The following CDH13 variants were observed in gnomAD, a reference collection of about 807,000 sequenced individuals.
The protein encoded by CDH13 is cadherin 13, also known as cadherin-13.
Under a neutral mutation model 63.8 loss-of-function variants are expected in CDH13, and 24 were observed. The observed-to-expected ratio is 0.38, with a 90% confidence interval of 0.27 to 0.53. The LOEUF (loss-of-function observed/expected upper bound fraction) is 0.53. Among genes scored for constraint, CDH13 ranks in the 20% least tolerant of loss-of-function variants. CDH13 has a pLI of 0.85. For synonymous variants in CDH13, 503 were observed against 355.3 expected (o/e 1.42, Z -4.67); for missense variants, 1,049 against 903.1 (o/e 1.16, Z -2.07).
At position 82,854,355 on chromosome 16, in the gene CDH13, C is replaced by T. The variant is rs901228455; in HGVS notation, c.46-4007C>T. Reference sequence around the variant, plus strand: ...GGCGGGGCTTGCAGTGAGCCAAGATCGTGCCACTGCACTCCAACCTGGGTG... The same window carrying T: ...GGCGGGGCTTGCAGTGAGCCAAGATTGTGCCACTGCACTCCAACCTGGGTG... On this transcript the variant is annotated intron_variant, in intron 1 of 13. Transcript: ENST00000567109. 2.1e-5 allele frequency among the ~76,000 whole-genome samples: 3 copies of T among 140,148 alleles called. No individual in the cohort carries two copies. The South Asian group carries it at 7.1e-4, about 33-fold the overall frequency. The allele number at this position is 140,148 out of a possible 152,430, so 91.9% of individuals were successfully genotyped here.
At chr16:83,044,895 A>T (rs879423127) in intron 3 of CDH13, among the ~76,000 whole-genome samples, 1 of 152,248 alleles carries the variant, frequency 6.6e-6, no homozygotes, top group South Asian at 2.1e-4. Context: ...ATTTCCAGCT[A>T]GTATATAGGA....
At chr16:83,655,495 C>A (rs1912790282) in intron 8 of CDH13, among the ~76,000 whole-genome samples, 1 of 152,144 alleles carries the variant, frequency 6.6e-6, no homozygotes, top group Admixed American at 6.5e-5. Context: ...AAGAGTCTGT[C>A]AGAGAGAACG....
intron 4 of CDH13, among the ~76,000 whole-genome samples, chr16:83,169,072 A>G: frequency 6.6e-6 from 1 of 152,150 alleles, no homozygotes; most frequent in South Asian, 2.1e-4. Context: ...TTGACAATTA[A>G]AACATAATTA....
intron 5 of CDH13, among the ~76,000 whole-genome samples, chr16:83,228,175 C>T (rs998374611): frequency 6.6e-6 from 1 of 152,160 alleles, no homozygotes; most frequent in African/African-American, 2.4e-5. Context: ...ATGCTTCAGT[C>T]CCCTAGCAGA....
chr16:82,812,939 G>T (rs749349458), intron 1 of CDH13, among the ~76,000 whole-genome samples: 1 of 152,036 alleles, frequency 6.6e-6, no homozygotes, highest in Non-Finnish European at 1.5e-5. Context: ...ATGGCATAAA[G>T]CTTCTGAGAA....
At chr16:82,899,263 T>C (rs1369721942) in intron 2 of CDH13, among the ~76,000 whole-genome samples, 1 of 152,154 alleles carries the variant, frequency 6.6e-6, no homozygotes, top group East Asian at 1.9e-4. Context: ...GTCAAATGAG[T>C]ATGTGTAATG....
At chr16:83,134,608 G>C (rs1393885952) in intron 4 of CDH13, among the ~76,000 whole-genome samples, 2 of 145,252 alleles carry the variant, frequency 1.4e-5, no homozygotes, top group Non-Finnish European at 3.0e-5. Context: ...TTACATGACT[G>C]TATTTCTGAA....
intron 1 of CDH13, among the ~76,000 whole-genome samples, chr16:82,710,687 T>G (rs1050218383): frequency 6.9e-6 from 1 of 145,916 alleles, no homozygotes; most frequent in African/African-American, 2.5e-5. Context: ...TATTTATATA[T>G]TTGTATATTT....
intron 3 of CDH13, among the ~76,000 whole-genome samples, chr16:83,046,173 G>C (rs139352395): frequency 1.4e-4 from 22 of 152,128 alleles, no homozygotes; most frequent in Non-Finnish European, 3.1e-4. Context: ...TTTTCCTCTG[G>C]TCCATACCCC....
intron 3 of CDH13, among the ~76,000 whole-genome samples, chr16:83,059,477 C>T (rs551637334): frequency 6.6e-6 from 1 of 152,258 alleles, no homozygotes; most frequent in Admixed American, 6.5e-5. Flanking sequence ...CTGCTGAAAT[C>T]AGAGGTGACT....
intron 1 of CDH13, among the ~76,000 whole-genome samples, chr16:82,806,804 T>C (rs2037167147): frequency 6.6e-6 from 1 of 152,042 alleles, no homozygotes; most frequent in Admixed American, 6.6e-5. Context: ...AAATTTCAGA[T>C]CCACAGAGAA....
At chr16:83,027,854 T>G (rs577404633) in intron 2 of CDH13, among the ~76,000 whole-genome samples, 2 of 152,362 alleles carry the variant, frequency 1.3e-5, no homozygotes, top group East Asian at 3.9e-4. Flanking sequence ...TCTGCCTAAG[T>G]AATAGGTCCC....
At chr16:83,274,529 G>C (rs1415950216) in intron 5 of CDH13, among the ~76,000 whole-genome samples, 1 of 152,108 alleles carries the variant, frequency 6.6e-6, no homozygotes, top group Non-Finnish European at 1.5e-5. Flanking sequence ...TCTGATTAGT[G>C]TCTTTAGAGC....
chr16:82,704,282 A>G (rs544174110), intron 1 of CDH13, among the ~76,000 whole-genome samples: 2 of 152,274 alleles, frequency 1.3e-5, no homozygotes, highest in South Asian at 2.1e-4. Flanking sequence ...GCTGAATTTG[A>G]GTTTGAATTA....
chr16:83,104,565 G>A (rs924781017), intron 3 of CDH13, among the ~76,000 whole-genome samples: 6 of 146,890 alleles, frequency 4.1e-5, no homozygotes, highest in African/African-American at 1.5e-4. Flanking sequence ...AAAGGAAGAA[G>A]AATAGTACTT....
intron 6 of CDH13, among the ~76,000 whole-genome samples, chr16:83,455,806 C>A (rs17289165): frequency 6.6e-6 from 1 of 152,150 alleles, no homozygotes; most frequent in Non-Finnish European, 1.5e-5. Context: ...CTGTTAGTGG[C>A]GCAGCTTTCC....
At chr16:83,602,210 A>T (rs906768136) in intron 7 of CDH13, among the ~76,000 whole-genome samples, 4 of 149,834 alleles carry the variant, frequency 2.7e-5, no homozygotes, top group Non-Finnish European at 4.4e-5. Context: ...ATGTCTCCCT[A>T]AAAAAGAACA....
At chr16:83,650,889 A>G (rs953328709) in intron 8 of CDH13, among the ~76,000 whole-genome samples, 1 of 152,080 alleles carries the variant, frequency 6.6e-6, no homozygotes, top group Non-Finnish European at 1.5e-5. Flanking sequence ...CCTGGGCAAC[A>G]TAGTGAGACC....
intron 7 of CDH13, among the ~76,000 whole-genome samples, chr16:83,539,870 T>C (rs1432617632): frequency 6.6e-6 from 1 of 152,086 alleles, no homozygotes; most frequent in Non-Finnish European, 1.5e-5. Flanking sequence ...GCTCCAGCAG[T>C]CAGAAACTGG....
Sources: allele counts gnomAD v4.1 joint callset (sites outside exome capture counted in the v4.1 genomes callset), GRCh38; gene constraint gnomAD v4.1.1; transcripts MANE v1.5; gene names NCBI Gene and HGNC (gene_info 2026-07-23, HGNC 2026-07-21).